The following ITPK1 variants were observed in gnomAD, a reference collection of about 807,000 sequenced individuals.
ITPK1 encodes inositol-tetrakisphosphate 1-kinase.
A neutral mutation model predicts 45.3 loss-of-function variants in ITPK1; 21 were observed. That is an observed-to-expected ratio of 0.46 (90% CI 0.33 to 0.67). The LOEUF (loss-of-function observed/expected upper bound fraction) is 0.67. ITPK1 is among the 30% of genes least tolerant of loss of function. ITPK1 has a pLI of 0.02. For synonymous variants in ITPK1, 258 were observed against 253.6 expected, an observed-to-expected ratio of 1.02 and a Z score of -0.16; for missense variants, 474 against 573.5, an observed-to-expected ratio of 0.83 and a Z score of 1.77.
At chr14:93,051,236 A>T (rs1470710282) in intron 3 of ITPK1, among the ~76,000 whole-genome samples, 1 of 152,220 alleles carries the variant, frequency 6.6e-6, no homozygotes, top group Non-Finnish European at 1.5e-5. Flanking sequence ...ATTCTGCCCC[A>T]GACACCATGG....
In ITPK1 at chr14:93,014,747, T is replaced by C. The variant is rs1409202582; in HGVS notation, c.246+1929A>G. On this transcript the variant is annotated intron_variant, in intron 4 of 10. Transcript: ENST00000267615. The surrounding 1 kb of genome is among the most constrained non-coding windows in gnomAD (Gnocchi z 4.4). The stretch of plus-strand genomic sequence containing the variant: ...CACTTTCTAGTTGTCCTGCAGCTGC[T>C]TCTTCCTCCACAGGACGGGAATCAT... Among the ~76,000 whole-genome samples, 2 of 152,198 alleles carry C rather than the reference T, an allele frequency of 1.3e-5. No homozygotes were observed. Among genetic ancestry groups the C allele is most frequent in the African/African-American group, 2.4e-5 (1 of 41,466 alleles).
At chr14:93,109,170 T>A (rs2140036673) in intron 2 of ITPK1, among the ~76,000 whole-genome samples, 1 of 152,286 alleles carries the variant, frequency 6.6e-6, no homozygotes, top group South Asian at 2.1e-4. Flanking sequence ...GTTCCATCCT[T>A]TTAAGAACTG....
intron 5 of ITPK1, among the ~76,000 whole-genome samples, chr14:92,970,408 G>A (rs1314871344): frequency 6.6e-6 from 1 of 152,228 alleles, no homozygotes; most frequent in Non-Finnish European, 1.5e-5. Context: ...GTGTCAAACA[G>A]TGGTTACTGG....
intron 9 of ITPK1, among the ~76,000 whole-genome samples, chr14:92,951,110 C>A (rs1409084924): frequency 6.6e-6 from 1 of 152,232 alleles, no homozygotes; most frequent in African/African-American, 2.4e-5. Context: ...GAGGAAGAGA[C>A]CAGCAAAGCC....
intron 2 of ITPK1, among the ~76,000 whole-genome samples, chr14:93,086,008 G>A (rs1178360950): frequency 1.3e-5 from 2 of 151,598 alleles, no homozygotes; most frequent in Non-Finnish European, 2.9e-5. Flanking sequence ...CCGTCAGCCA[G>A]CCAGCCTCAG....
At chr14:93,003,338 C>T (rs1034911146) in intron 4 of ITPK1, among the ~76,000 whole-genome samples, 25 of 152,228 alleles carry the variant, frequency 1.6e-4, no homozygotes, top group Non-Finnish European at 3.5e-4. Context: ...AAACCAACCC[C>T]TGTTGATTAA....
At chr14:93,073,322 A>G (rs1891097204) in intron 3 of ITPK1, among the ~76,000 whole-genome samples, 1 of 152,198 alleles carries the variant, frequency 6.6e-6, no homozygotes, top group African/African-American at 2.4e-5. Context: ...CGAGGTGAAG[A>G]GGCACAGGGG....
At chr14:93,097,038 C>T (rs150858089) in intron 2 of ITPK1, among the ~76,000 whole-genome samples, 2 of 152,320 alleles carry the variant, frequency 1.3e-5, no homozygotes, top group East Asian at 1.9e-4. Context: ...TGAATGATGA[C>T]AGTTGTTCCT....
chr14:93,018,510 TG>T (rs1347305908), intron 3 of ITPK1, among the ~76,000 whole-genome samples: 1 of 152,048 alleles, frequency 6.6e-6, no homozygotes, highest in Non-Finnish European at 1.5e-5. Context: ...CCAGGAAAGA[TG>T]TTAAGGGATT....
rs1484285602 is a variant in ITPK1, at chr14:93,076,819, G to A, written c.96-200C>T. Among the ~76,000 whole-genome samples, 7 of 152,082 alleles carry A rather than the reference G, an allele frequency of 4.6e-5. No individual in the cohort carries two copies. The highest frequency in any genetic ancestry group is 8.8e-5 in the Non-Finnish European group (6 of 68,020). On this transcript the variant is annotated intron_variant, in intron 2 of 10. Transcript: ENST00000267615. The surrounding 1 kb of genome is among the most constrained non-coding windows in gnomAD (Gnocchi z 4.3). ...TCCTCAAACCACCTTCCCACTGAGAGGGCTGGCTCTGCAGAGGGACTTGCT... is the reference window on the plus strand; with the variant it reads ...TCCTCAAACCACCTTCCCACTGAGAAGGCTGGCTCTGCAGAGGGACTTGCT...
In ITPK1 at chr14:93,112,663, C is replaced by T. The variant is rs978665477; in HGVS notation, c.95+2406G>A. On this transcript the variant is annotated intron_variant, in intron 2 of 10. Transcript: ENST00000267615. The stretch of plus-strand genomic sequence containing the variant: ...CCATGTTAGCCAGGATGGTCTCGAT[C>T]TCCTGACCTCGTGACCCACCCACCT... 7.9e-5 allele frequency among the ~76,000 whole-genome samples: 12 copies of T among 152,208 alleles called. No homozygotes were observed. The East Asian group carries it at 1.9e-3, about 25-fold the overall frequency.
intron 5 of ITPK1, among the ~76,000 whole-genome samples, chr14:92,974,507 C>T (rs995260087): frequency 6.6e-6 from 1 of 152,194 alleles, no homozygotes; most frequent in African/African-American, 2.4e-5. Context: ...AATGCAGCAA[C>T]CTCAAGGGCC....
intron 3 of ITPK1, among the ~76,000 whole-genome samples, chr14:93,056,438 T>A (rs908173547): frequency 2.0e-5 from 3 of 152,216 alleles, no homozygotes; most frequent in African/African-American, 7.2e-5. Context: ...GCATTTTTCA[T>A]GGGCGCCCCA....
intron 4 of ITPK1, among the ~76,000 whole-genome samples, chr14:93,009,664 G>A (rs944995043): frequency 6.6e-6 from 1 of 152,196 alleles, no homozygotes. Context: ...TCGAGAGGCT[G>A]ACCTCACAGC....
chr14:92,946,954 G>A (rs1270963451), intron 9 of ITPK1, among the ~76,000 whole-genome samples: 1 of 152,270 alleles, frequency 6.6e-6, no homozygotes, highest in Non-Finnish European at 1.5e-5. Flanking sequence ...GAGGCAGGAG[G>A]ATGTGGGCCC....
intron 2 of ITPK1, among the ~76,000 whole-genome samples, chr14:93,087,767 T>C (rs1891705775): frequency 6.6e-6 from 1 of 152,144 alleles, no homozygotes; most frequent in Non-Finnish European, 1.5e-5. Flanking sequence ...CAGGAGTTTG[T>C]AGGGGCCTTC....
intron 2 of ITPK1, among the ~76,000 whole-genome samples, chr14:93,108,309 T>C (rs1892605360): frequency 6.6e-6 from 1 of 152,242 alleles, no homozygotes; most frequent in Non-Finnish European, 1.5e-5. Flanking sequence ...CTCTCAAATG[T>C]AGCTTTCCAG....
chr14:92,965,945 G>A (rs535350908), intron 5 of ITPK1, among the ~76,000 whole-genome samples: 7 of 152,328 alleles, frequency 4.6e-5, no homozygotes, highest in African/African-American at 7.2e-5. Flanking sequence ...GGAGGTTGAC[G>A]TGAGCCAAGA....
intron 2 of ITPK1, among the ~76,000 whole-genome samples, chr14:93,102,589 G>C (rs1892365104): frequency 6.6e-6 from 1 of 152,168 alleles, no homozygotes; most frequent in African/African-American, 2.4e-5. Context: ...CTGGGAGGTG[G>C]AGGTTGCAGT....
Sources: allele counts gnomAD v4.1 joint callset (sites outside exome capture counted in the v4.1 genomes callset), GRCh38; gene constraint gnomAD v4.1.1; non-coding constraint Gnocchi (gnomAD v3.1); transcripts MANE v1.5; gene names NCBI Gene and HGNC (gene_info 2026-07-23, HGNC 2026-07-21).